The following EBAG9 variants were observed in gnomAD, a reference collection of about 807,000 sequenced individuals.
EBAG9 encodes estrogen receptor binding site associated antigen 9, also known as receptor-binding cancer antigen expressed on SiSo cells.
Under a neutral mutation model 30.9 loss-of-function variants are expected in EBAG9, and 16 were observed. That is an observed-to-expected ratio of 0.52 (90% CI 0.35 to 0.79). The LOEUF is 0.79. EBAG9 is among the 30% of genes least tolerant of loss of function. The probability of loss-of-function intolerance (pLI) is 0.01; values close to 1 mark genes in which losing one functional copy is unlikely to be tolerated. For synonymous variants in EBAG9, 93 were observed against 82.8 expected (o/e 1.12, Z -0.67); for missense variants, 197 against 242.1 (o/e 0.81, Z 1.24).
In EBAG9 at chr8:109,560,885, G is replaced by GGAA. The variant is rs763400197; in HGVS notation, c.489_491dup (p.Glu163dup). The stretch of plus-strand genomic sequence containing the variant: ...CCTGGCAGGAAAATACCAATGCATG[G>GGAA]GAAGAAGAAGAAGATGCAGCCTGGC... On this transcript the variant is annotated inframe_insertion, in exon 6 of 7. Coordinates refer to ENST00000337573, the MANE Select transcript of EBAG9 (RefSeq NM_004215.5). The GGAA allele has an allele frequency of 6.2e-7, 1 of 1,612,980 alleles. No individual in the cohort carries two copies. Among genetic ancestry groups the GGAA allele is most frequent in the Non-Finnish European group, 8.5e-7 (1 of 1,179,430 alleles).
chr8:109,542,470 CA>C, intron 1 of EBAG9, among the ~76,000 whole-genome samples: 1 of 152,254 alleles, frequency 6.6e-6, no homozygotes, highest in South Asian at 2.1e-4. Context: ...CTGACAGTCC[CA>C]AATGGTAAAT....
chr8:109,544,460 C>T (rs1821343718), intron 1 of EBAG9, among the ~76,000 whole-genome samples: 2 of 152,112 alleles, frequency 1.3e-5, no homozygotes, highest in South Asian at 4.1e-4. Flanking sequence ...TTTGTTATTA[C>T]CTGGTTGTTT....
intron 6 of EBAG9, among the ~76,000 whole-genome samples, chr8:109,563,730 C>T (rs1821755375): frequency 6.6e-6 from 1 of 151,980 alleles, no homozygotes; most frequent in South Asian, 2.1e-4. Flanking sequence ...TTTCCTGATC[C>T]TCTCCCTCCG....
intron 6 of EBAG9, chr8:109,563,476 TC>T: frequency 1.3e-6 from 2 of 1,597,218 alleles, no homozygotes; most frequent in Non-Finnish European, 1.7e-6. Context: ...CATTAACCAA[TC>T]AGTAAAGATA....
intron 1 of EBAG9, among the ~76,000 whole-genome samples, chr8:109,543,357 G>T (rs59024706): frequency 0.026 from 4,019 of 151,976 alleles, 75 homozygotes; most frequent in African/African-American, 0.058. Flanking sequence ...CCTAGAAATA[G>T]AAAAGACTAG....
intron 1 of EBAG9, 165 bp downstream of exon 1, chr8:109,540,626 A>G (rs1821254461): frequency 6.6e-6 from 1 of 152,214 alleles, no homozygotes; most frequent in African/African-American, 2.4e-5. Context: ...GTTGCCAGAC[A>G]TGGCACAGAA....
At chr8:109,559,327 G>T (rs1018661831) in intron 5 of EBAG9, among the ~76,000 whole-genome samples, 3 of 152,010 alleles carry the variant, frequency 2.0e-5, no homozygotes, top group Non-Finnish European at 4.4e-5. Flanking sequence ...GTGGTGGTGC[G>T]TGCCTGTAGT....
At chr8:109,550,708 A>C in intron 1 of EBAG9, 102 bp from the exon 2 acceptor site, 1 of 673,918 alleles carries the variant, frequency 1.5e-6, no homozygotes, top group South Asian at 1.8e-5. Context: ...AAAGGTAAAA[A>C]ATATCTTAGA....
At chr8:109,549,266 A>G (rs1821447329) in intron 1 of EBAG9, among the ~76,000 whole-genome samples, 1 of 152,044 alleles carries the variant, frequency 6.6e-6, no homozygotes, top group Non-Finnish European at 1.5e-5. Flanking sequence ...TTCACAATGT[A>G]GTATCCATTT....
chr8:109,547,070 G>A (rs7341639), intron 1 of EBAG9, among the ~76,000 whole-genome samples: 1 of 151,718 alleles, frequency 6.6e-6, no homozygotes, highest in East Asian at 1.9e-4. Context: ...TCTGTCACCA[G>A]GCTGAAGTGC....
Position 109,565,297 on chromosome 8 carries a change from TTAG to T in EBAG9, c.*743_*745del, listed in dbSNP as rs1277312615. The T allele has an allele frequency of 2.0e-5, 3 of 152,386 alleles. No individual in the cohort carries two copies. The highest frequency in any genetic ancestry group is 7.2e-5 in the African/African-American group (3 of 41,458). The allele number at this position is 152,386 out of a possible 1,614,324, so 9.4% of individuals were successfully genotyped here. On this transcript the variant is annotated 3_prime_UTR_variant, in exon 7 of 7. Transcript: ENST00000337573. ...AACTTGTGAGTTTCAAGAACTAGTATTAGTAGTTTTTTCCTTTCATTATAGATT... is the reference window on the plus strand; with the variant it reads ...AACTTGTGAGTTTCAAGAACTAGTATTAGTTTTTTCCTTTCATTATAGATT...
chr8:109,563,600 A>C (rs1225778651), intron 6 of EBAG9: 1 of 1,480,720 alleles, frequency 6.8e-7, no homozygotes, highest in East Asian at 2.3e-5. Context: ...TTTTAAACTT[A>C]AGTTCAGGGG....
intron 6 of EBAG9, among the ~76,000 whole-genome samples, chr8:109,561,331 A>G (rs983532301): frequency 2.0e-4 from 31 of 152,052 alleles, no homozygotes; most frequent in Admixed American, 4.6e-4. Context: ...CATAGTGCCC[A>G]GTACTGCTCA....
At chr8:109,562,778 G>A (rs1020176875) in intron 6 of EBAG9, among the ~76,000 whole-genome samples, 1 of 151,856 alleles carries the variant, frequency 6.6e-6, no homozygotes, top group East Asian at 1.9e-4. Flanking sequence ...TAGAATATTT[G>A]TGTTCTGCTG....
rs914794078 is a variant in EBAG9 at position 109,553,934 on chromosome 8, T to G, written c.153T>G (p.Val51=). The G allele has an allele frequency of 6.2e-6, 10 of 1,605,692 alleles. No individual in the cohort carries two copies. Among genetic ancestry groups the G allele is most frequent in the Non-Finnish European group, 8.5e-6 (10 of 1,177,368 alleles). The change falls in exon 3 of 7, where the codon GTT becomes GTG. Residue 51 remains valine, a synonymous_variant. Transcript: ENST00000337573. ...CAACTACAGTTGATTATTCATCAGT[T>G]CCTAAGCAGGTAGGTTTTTTTTGTG... The part of the protein sequence containing the change: ...TLPTTVDYSS[V]PKQTDVEEWT...
chr8:109,554,488 CTTTGTTT>C, intron 3 of EBAG9, among the ~76,000 whole-genome samples: 1 of 151,926 alleles, frequency 6.6e-6, no homozygotes, highest in Non-Finnish European at 1.5e-5. Flanking sequence ...TTTCGTTTTA[CTTTGTTT>C]TTTGTTTTTT....
In EBAG9 at chr8:109,541,112, A is replaced by G. The variant is rs547495474; in HGVS notation, c.-16+651A>G. On this transcript the variant is annotated intron_variant, in intron 1 of 6. Transcript: ENST00000337573. ...ATTTCCTAGAGTTGTCATTTCTTCA[A>G]AAAGCCTTAATGAGGATACATTGCC... is the stretch of plus-strand genomic sequence containing the variant. Among the ~76,000 whole-genome samples, 9 of 152,254 alleles carry G rather than the reference A, an allele frequency of 5.9e-5. No individual in the cohort carries two copies. The South Asian group carries it at 1.5e-3, about 25-fold the overall frequency.
chr8:109,543,178 T>C (rs1821314059), intron 1 of EBAG9, among the ~76,000 whole-genome samples: 1 of 141,220 alleles, frequency 7.1e-6, no homozygotes, highest in African/African-American at 2.6e-5. Flanking sequence ...ACAGTCACTG[T>C]TCTTTTCATC....
chr8:109,546,652 A>G (rs893300990), intron 1 of EBAG9, among the ~76,000 whole-genome samples: 1 of 152,172 alleles, frequency 6.6e-6, no homozygotes, highest in African/African-American at 2.4e-5. Flanking sequence ...TAGGCTTATC[A>G]GCTCTGGTTA....
Sources: allele counts gnomAD v4.1 joint callset (sites outside exome capture counted in the v4.1 genomes callset), GRCh38; gene constraint gnomAD v4.1.1; transcripts MANE v1.5; gene names NCBI Gene and HGNC (gene_info 2026-07-23, HGNC 2026-07-21).